SLC25A48: variants seen among roughly 807,000 people sequenced by gnomAD.
The protein encoded by SLC25A48 is CTC-321K16.1.
Under a neutral mutation model 32.2 loss-of-function variants are expected in SLC25A48, and 29 were observed. The observed-to-expected ratio is 0.90, with a 90% CI of 0.67 to 1.23. The LOEUF (loss-of-function observed/expected upper bound fraction) is 1.23, where lower values mean the gene tolerates loss of function less well. Ranked by LOEUF, SLC25A48 falls within the 50% of genes most tolerant of loss-of-function variation. The pLI is 0.00. For missense variants in SLC25A48, 399 were observed against 422.7 expected (o/e 0.94, Z 0.49); for synonymous variants, 164 against 172.3 (o/e 0.95, Z 0.38).
chr5:135,653,305 A>T (rs1263659352), intron 3 of SLC25A48, among the ~76,000 whole-genome samples: 1 of 152,230 alleles, frequency 6.6e-6, no homozygotes, highest in Non-Finnish European at 1.5e-5. Context: ...CCACGGGATG[A>T]TTGGATTGCA....
At chr5:135,731,935 T>C (rs1032102816) in intron 3 of SLC25A48, among the ~76,000 whole-genome samples, 10 of 152,198 alleles carry the variant, frequency 6.6e-5, no homozygotes, top group African/African-American at 2.2e-4. Context: ...GTACGGTGAA[T>C]AGGAGTATGA....
At chr5:135,634,183 G>A (rs1186782396) in intron 2 of SLC25A48, among the ~76,000 whole-genome samples, 5 of 152,186 alleles carry the variant, frequency 3.3e-5, no homozygotes, top group Non-Finnish European at 7.4e-5. Flanking sequence ...GTGTGTGCTT[G>A]GCCTGTGGAC....
rs1035129167 is a variant in SLC25A48 at position 135,742,390 on chromosome 5, G to A, written c.-520-70133G>A. ...ATCACCACACCTGGCCTAGGAATCCGTTATTTAATAGCCATCACGACCCTC... is the reference window on the plus strand; with the variant it reads ...ATCACCACACCTGGCCTAGGAATCCATTATTTAATAGCCATCACGACCCTC... On this transcript the variant is annotated intron_variant, in intron 3 of 10. Coordinates refer to the SLC25A48 transcript ENST00000646290. 3.2e-5 allele frequency: 39 copies of A among 1,223,876 alleles called. No individual in the cohort carries two copies. The African/African-American group carries it at 3.7e-4, about 12-fold the overall frequency. The allele number at this position is 1,223,876 out of a possible 1,614,324, so 75.8% of individuals were successfully genotyped here.
chr5:135,602,685 A>G (rs1031208827), intron 1 of SLC25A48, among the ~76,000 whole-genome samples: 3 of 149,524 alleles, frequency 2.0e-5, no homozygotes, highest in African/African-American at 7.4e-5. Flanking sequence ...ACATATGTAT[A>G]CATGTGCCAT....
intron 3 of SLC25A48, among the ~76,000 whole-genome samples, chr5:135,637,548 A>G (rs551056109): frequency 4.3e-4 from 65 of 152,328 alleles, no homozygotes; most frequent in African/African-American, 1.5e-3. Context: ...TTTTCATGCT[A>G]AAGATCAAGA....
chr5:135,804,884 A>G (rs140406861), intron 3 of SLC25A48, among the ~76,000 whole-genome samples: 148 of 151,336 alleles, frequency 9.8e-4, no homozygotes, highest in South Asian at 1.5e-3. Flanking sequence ...TGTTAATGTG[A>G]CTGTACACCC....
chr5:135,881,291 C>T (rs548585709), intron 7 of SLC25A48, among the ~76,000 whole-genome samples: 2 of 152,188 alleles, frequency 1.3e-5, no homozygotes, highest in African/African-American at 4.8e-5. Context: ...TCTATAAAAC[C>T]TCACTGCTGC....
At chr5:135,693,461 A>G (rs939343351) in intron 3 of SLC25A48, among the ~76,000 whole-genome samples, 3 of 152,244 alleles carry the variant, frequency 2.0e-5, no homozygotes, top group Non-Finnish European at 2.9e-5. Flanking sequence ...AGGCTCAGCT[A>G]CAAAGAAGAG....
intron 1 of SLC25A48, among the ~76,000 whole-genome samples, chr5:135,589,672 T>TTTAA (rs1203658482): frequency 1.3e-5 from 2 of 152,104 alleles, no homozygotes; most frequent in African/African-American, 2.4e-5. Context: ...AAAGATGCAT[T>TTTAA]TTAATTAATT....
chr5:135,710,530 A>G (rs1402167174), intron 3 of SLC25A48, among the ~76,000 whole-genome samples: 1 of 152,270 alleles, frequency 6.6e-6, no homozygotes, highest in Non-Finnish European at 1.5e-5. Context: ...ATCAAATTCC[A>G]GCACTGCTAC....
rs564476875 is a variant in SLC25A48 at position 135,721,902 on chromosome 5, T to A, written c.-521+86946T>A. Among the ~76,000 whole-genome samples the A allele has an allele frequency of 6.6e-5, 10 of 152,334 alleles. No homozygotes were observed. In the South Asian group the frequency reaches 1.5e-3, roughly 22 times the overall value. ...CCTGGAATTCTTCTTTATTATAAGA[T>A]GTGCTTTGGTGACAAACATGTTGCT... is the stretch of plus-strand genomic sequence containing the variant. On this transcript the variant is annotated intron_variant, in intron 3 of 10. Coordinates refer to the SLC25A48 transcript ENST00000646290.
At chr5:135,592,275 C>T (rs1183666528) in intron 1 of SLC25A48, among the ~76,000 whole-genome samples, 5 of 152,208 alleles carry the variant, frequency 3.3e-5, no homozygotes, top group Non-Finnish European at 7.3e-5. Flanking sequence ...CCTTCACCCC[C>T]GTGGCCTCAT....
chr5:135,778,957 G>A (rs894315448), intron 3 of SLC25A48, among the ~76,000 whole-genome samples: 2 of 150,776 alleles, frequency 1.3e-5, no homozygotes, highest in African/African-American at 4.9e-5. Flanking sequence ...TCTCAAGGGG[G>A]GAGAGAATAT....
chr5:135,628,325 G>A lies in SLC25A48; in HGVS notation c.-848-912G>A, dbSNP rs1752483953. ...ACAGAAGGGGGTCAATTTACACCCC[G>A]AGGAACCTGGGGAGAATCCCTCGGA... On this transcript the variant is annotated intron_variant, in intron 1 of 10. Transcript: ENST00000646290. Among the ~76,000 whole-genome samples the A allele has an allele frequency of 2.6e-5, 4 of 152,286 alleles. No individual in the cohort carries two copies. In the South Asian group the frequency reaches 8.3e-4, roughly 32 times the overall value.
chr5:135,699,942 A>T (rs1022498789), intron 3 of SLC25A48, among the ~76,000 whole-genome samples: 2 of 152,182 alleles, frequency 1.3e-5, no homozygotes, highest in Non-Finnish European at 2.9e-5. Flanking sequence ...GGAGTCTCTG[A>T]GGGGTTACAA....
At chr5:135,684,876 C>CA (rs1230061172) in intron 3 of SLC25A48, among the ~76,000 whole-genome samples, 5 of 152,148 alleles carry the variant, frequency 3.3e-5, no homozygotes, top group Non-Finnish European at 5.9e-5. Flanking sequence ...CACTCTTTTG[C>CA]AATTATATCC....
At chr5:135,859,720 C>T (rs1476413946) in intron 4 of SLC25A48, among the ~76,000 whole-genome samples, 1 of 152,120 alleles carries the variant, frequency 6.6e-6, no homozygotes, top group African/African-American at 2.4e-5. Context: ...TCCTCCTATG[C>T]ACATTGTTGC....
chr5:135,654,540 C>T (rs1753197695), intron 3 of SLC25A48, among the ~76,000 whole-genome samples: 2 of 152,288 alleles, frequency 1.3e-5, no homozygotes, highest in South Asian at 4.1e-4. Flanking sequence ...TTATAGGTTA[C>T]AGACCTACAG....
intron 3 of SLC25A48, among the ~76,000 whole-genome samples, chr5:135,721,081 G>A (rs576907834): frequency 9.9e-5 from 15 of 151,246 alleles, no homozygotes; most frequent in South Asian, 6.3e-4. Context: ...TCTCTCTGTC[G>A]CCCAGGCTGG....
Sources: allele counts gnomAD v4.1 joint callset (sites outside exome capture counted in the v4.1 genomes callset), GRCh38; gene constraint gnomAD v4.1.1; transcripts MANE v1.5; gene names NCBI Gene and HGNC (gene_info 2026-07-23, HGNC 2026-07-21).